Variants in DOP1B observed in about 807,000 individuals in gnomAD.
The protein encoded by DOP1B is protein DOP1B.
A neutral mutation model predicts 233.5 loss-of-function variants in DOP1B; 174 were observed. The observed-to-expected ratio is 0.75, with a 90% CI of 0.66 to 0.85. The LOEUF is 0.85. Among genes scored for constraint, DOP1B ranks in the 40% least tolerant of loss-of-function variants. The pLI is 0.00. For missense variants in DOP1B, 2,652 were observed against 2,846.6 expected, an observed-to-expected ratio of 0.93 and a Z score of 1.56; for synonymous variants, 1,190 against 1,185.6, an observed-to-expected ratio of 1.00 and a Z score of -0.08.
At chr21:36,248,144 G>T (rs1284203840) in intron 20 of DOP1B, among the ~76,000 whole-genome samples, 1 of 152,144 alleles carries the variant, frequency 6.6e-6, no homozygotes, top group Non-Finnish European at 1.5e-5. Context: ...TAACACTTTG[G>T]TTGAATGGTT....
intron 23 of DOP1B, among the ~76,000 whole-genome samples, chr21:36,258,875 G>T (rs2835330): frequency 1.3e-5 from 2 of 151,844 alleles, no homozygotes. Context: ...GGCTTCGAAT[G>T]TAAAAGGACC....
chr21:36,264,400 G>A (rs2067209823), intron 26 of DOP1B, among the ~76,000 whole-genome samples: 1 of 151,980 alleles, frequency 6.6e-6, no homozygotes, highest in Non-Finnish European at 1.5e-5. Flanking sequence ...AACAGAGAGA[G>A]ATCCTGTCTC....
chr21:36,263,733 A>T lies in DOP1B; in HGVS notation c.5421-15A>T. On this transcript the variant is annotated splice_polypyrimidine_tract_variant and intron_variant, in intron 25 of 36. Transcript: ENST00000691173. ...CTGCAGCATTTTTAATCTGAAGCTG[A>T]TTGTCTCCCAACAGCATGCTGAATG... 6.2e-7 allele frequency: 1 copy of T among 1,614,022 alleles called. No homozygotes were observed. Among genetic ancestry groups the T allele is most frequent in the Non-Finnish European group, 8.5e-7 (1 of 1,179,930 alleles).
rs763266893 is a variant in DOP1B at position 36,227,879 on chromosome 21, T to A, written c.1665+2T>A. The stretch of plus-strand genomic sequence containing the variant: ...ACGGAGTCCACCAGCGGAACCTCGG[T>A]GTGTACTCTGAGGGGCAGAAATGGT... On this transcript the variant is annotated splice_donor_variant, in intron 13 of 36. Transcript: ENST00000691173. LOFTEE classifies it high-confidence loss of function. 2.5e-6 allele frequency: 4 copies of A among 1,588,800 alleles called. No individual in the cohort carries two copies. Among genetic ancestry groups the A allele is most frequent in the Middle Eastern group, 1.8e-4 (1 of 5,560 alleles).
Position 36,270,770 on chromosome 21 carries a change from C to T in DOP1B, c.5632+613C>T, listed in dbSNP as rs375011808. Among the ~76,000 whole-genome samples the T allele has an allele frequency of 1.3e-4, 19 of 150,014 alleles. No individual in the cohort carries two copies. In the East Asian group the frequency reaches 3.4e-3, roughly 27 times the overall value. The stretch of plus-strand genomic sequence containing the variant: ...CTTAACTAAAAATACAAAAATTAGC[C>T]GCGCGTGGTAGTGGGCGCCTGTAAT... On this transcript the variant is annotated intron_variant, in intron 27 of 36. Transcript: ENST00000691173.
chr21:36,192,525 A>G (rs1227348841), intron 2 of DOP1B, among the ~76,000 whole-genome samples: 1 of 150,832 alleles, frequency 6.6e-6, no homozygotes, highest in Non-Finnish European at 1.5e-5. Context: ...GACCATAGCC[A>G]TGTGCCACCA....
chr21:36,231,622 T>C (rs2066765416), intron 14 of DOP1B, among the ~76,000 whole-genome samples: 1 of 151,966 alleles, frequency 6.6e-6, no homozygotes, highest in Admixed American at 6.6e-5. Context: ...TCAGTGATAG[T>C]AAATAGACTA....
At chr21:36,238,144 G>A (rs1307271015) in intron 16 of DOP1B, among the ~76,000 whole-genome samples, 1 of 152,206 alleles carries the variant, frequency 6.6e-6, no homozygotes, top group African/African-American at 2.4e-5. Flanking sequence ...TCTGGTTTGG[G>A]TGACAGAGCA....
chr21:36,227,165 A>AGTG (rs2066696988), intron 12 of DOP1B, among the ~76,000 whole-genome samples: 1 of 148,698 alleles, frequency 6.7e-6, no homozygotes, highest in African/African-American at 2.5e-5. Context: ...CCGAGATCAC[A>AGTG]CCACTGCACT....
At chr21:36,273,288 TC>T (rs200576745) in intron 27 of DOP1B, among the ~76,000 whole-genome samples, 1 of 150,506 alleles carries the variant, frequency 6.6e-6, no homozygotes, top group East Asian at 2.0e-4. Context: ...GTGCCTGTAA[TC>T]CCAGCTACCC....
chr21:36,181,898 T>C (rs186079985), intron 2 of DOP1B, among the ~76,000 whole-genome samples: 1 of 152,246 alleles, frequency 6.6e-6, no homozygotes, highest in East Asian at 1.9e-4. Flanking sequence ...CTGTTTCTTG[T>C]GTCATAAAGG....
chr21:36,264,229 T>TG (rs1210040279), intron 26 of DOP1B, among the ~76,000 whole-genome samples: 1 of 152,136 alleles, frequency 6.6e-6, no homozygotes, highest in Non-Finnish European at 1.5e-5. Flanking sequence ...GAGACCAATC[T>TG]GGGTAACATA....
At chr21:36,288,386 A>G (rs142426155) in intron 33 of DOP1B, among the ~76,000 whole-genome samples, 1 of 152,206 alleles carries the variant, frequency 6.6e-6, no homozygotes, top group East Asian at 1.9e-4. Flanking sequence ...AATACTTACT[A>G]GTTTTTTATA....
At chr21:36,159,145 C>A (rs1191070839) in intron 1 of DOP1B, among the ~76,000 whole-genome samples, 4 of 149,212 alleles carry the variant, frequency 2.7e-5, no homozygotes, top group East Asian at 2.0e-4. Context: ...AAATCAAAAA[C>A]CAAAACAAAA....
At chr21:36,280,126 C>T (rs563685562) in intron 30 of DOP1B, among the ~76,000 whole-genome samples, 159 bp from the exon 31 acceptor site, 144 of 152,330 alleles carry the variant, frequency 9.5e-4, no homozygotes, top group African/African-American at 3.2e-3. Flanking sequence ...CCGCCCACCT[C>T]GGCCTCCCAA....
At chr21:36,234,372 T>C (rs7280062) in intron 15 of DOP1B, among the ~76,000 whole-genome samples, 43,849 of 151,952 alleles carry the variant, frequency 0.29, 6,961 homozygotes, top group East Asian at 0.55. Context: ...AGAATTGAGA[T>C]CATGAATCTT....
At chr21:36,258,116 T>C (rs1207993673) in intron 23 of DOP1B, among the ~76,000 whole-genome samples, 2 of 151,998 alleles carry the variant, frequency 1.3e-5, no homozygotes, top group Non-Finnish European at 1.5e-5. Flanking sequence ...TAGATAGATA[T>C]TATGATTTTA....
chr21:36,180,526 A>AGGCCTGGGCAATAGACGGCGCTCC (rs1476951696), intron 2 of DOP1B, among the ~76,000 whole-genome samples: 5 of 152,090 alleles, frequency 3.3e-5, no homozygotes, highest in African/African-American at 4.8e-5. Context: ...AGCTGAGATC[A>AGGCCTGGGCAATAGACGGCGCTCC]GGCCTGGGCA....
intron 2 of DOP1B, among the ~76,000 whole-genome samples, chr21:36,186,946 C>T (rs2066171525): frequency 6.6e-6 from 1 of 152,120 alleles, no homozygotes; most frequent in Admixed American, 6.5e-5. Context: ...AGTTCCCCTC[C>T]CATTGACTTT....
Sources: gnomAD v4.1 joint callset for allele counts (sites outside exome capture counted in the v4.1 genomes callset) on GRCh38, gnomAD v4.1.1 for gene constraint, MANE v1.5 for transcripts, NCBI Gene and HGNC (gene_info 2026-07-23, HGNC 2026-07-21) for gene names.